Variants in MPRIP observed in about 807,000 individuals in gnomAD.
MPRIP encodes myosin phosphatase Rho interacting protein.
In MPRIP, 59 loss-of-function variants were observed where a neutral mutation model predicts 234.9. The observed-to-expected ratio is 0.25, with a 90% CI of 0.20 to 0.31. MPRIP has a LOEUF of 0.31. MPRIP is among the 10% of genes least tolerant of loss of function. MPRIP has a pLI of 1.00. For missense variants in MPRIP, 2,436 were observed against 3,071.0 expected, an observed-to-expected ratio of 0.79 and a Z score of 4.89; for synonymous variants, 1,144 against 1,263.9, an observed-to-expected ratio of 0.91 and a Z score of 2.01.
chr17:17,102,638 C>T (rs1022980163), intron 3 of MPRIP, among the ~76,000 whole-genome samples: 15 of 152,130 alleles, frequency 9.9e-5, no homozygotes, highest in South Asian at 2.1e-4. Flanking sequence ...ATGTCCCATG[C>T]GCTTGGTATA....
chr17:17,185,684 T>A lies in MPRIP; in HGVS notation c.*790T>A. On this transcript the variant is annotated 3_prime_UTR_variant, in exon 24 of 24. Coordinates refer to ENST00000651222, the MANE Select transcript of MPRIP (RefSeq NM_001364716.4). ...GACCTGCAGCCCAGGTTTCAGACTC[T>A]GATTGCAAAAAACAAATGAATTCCC... 1 of 372,126 alleles carries A rather than the reference T, an allele frequency of 2.7e-6. No homozygotes were observed. The highest frequency in any genetic ancestry group is 2.0e-5 in the South Asian group (1 of 50,912). The allele number at this position is 372,126 out of a possible 1,614,324, so 23.1% of individuals were successfully genotyped here. A position where few individuals can be genotyped will look rare whatever the true frequency, so the allele number is the denominator to read the frequency against.
rs1389655517 is a variant in MPRIP, at chr17:17,167,208, C to T, written c.5617C>T (p.Arg1873Trp). The T allele has an allele frequency of 6.9e-6, 9 of 1,303,868 alleles. No individual in the cohort carries two copies. Among genetic ancestry groups the T allele is most frequent in the East Asian group, 1.1e-4 (2 of 17,990 alleles). The allele number at this position is 1,303,868 out of a possible 1,614,324, so 80.8% of individuals were successfully genotyped here. A position where few individuals can be genotyped will look rare whatever the true frequency, so the allele number is the denominator to read the frequency against. Residue 1873 changes from arginine (R) to tryptophan (W), a missense_variant, in exon 16 of 24, where the codon CGG becomes TGG. Coordinates refer to ENST00000651222, the MANE Select transcript of MPRIP (RefSeq NM_001364716.4). The surrounding 1 kb of genome is among the most constrained non-coding windows in gnomAD (Gnocchi z 5.9). ...LQLCKESWQTREPSCSEQAQA... is the reference protein window; with the variant it reads ...LQLCKESWQTWEPSCSEQAQA... ...GCTCTGCAAGGAGTCCTGGCAAACC[C>T]GGGAGCCCTCCTGCTCAGAGCAGGC...
intron 3 of MPRIP, among the ~76,000 whole-genome samples, chr17:17,120,349 G>A (rs562839854): frequency 4.4e-4 from 67 of 152,204 alleles, no homozygotes; most frequent in African/African-American, 1.6e-3. Flanking sequence ...GAGAGTCCCC[G>A]GTTGGAGAGG....
intron 20 of MPRIP, 64 bp downstream of exon 20, chr17:17,175,476 G>A (rs952566054): frequency 4.0e-6 from 6 of 1,487,130 alleles, no homozygotes; most frequent in Non-Finnish European, 4.5e-6. Flanking sequence ...GGGGAGTGCA[G>A]CATGGCCCCT....
intron 5 of MPRIP, among the ~76,000 whole-genome samples, chr17:17,134,921 G>C (rs1312742252): frequency 6.6e-6 from 1 of 152,268 alleles, no homozygotes; most frequent in African/African-American, 2.4e-5. Flanking sequence ...TGCATATAAA[G>C]AACCTGTGTC....
intron 3 of MPRIP, among the ~76,000 whole-genome samples, chr17:17,089,015 A>C (rs1233091434): frequency 3.3e-5 from 5 of 152,224 alleles, no homozygotes; most frequent in Admixed American, 3.3e-4. Flanking sequence ...GGGCTGGTCC[A>C]GCCCACACAC....
chr17:17,161,102 A>G, intron 14 of MPRIP, 138 bp from the exon 15 acceptor site: 2 of 563,746 alleles, frequency 3.5e-6, no homozygotes, highest in Non-Finnish European at 6.3e-6. Flanking sequence ...GGTAAAGGCC[A>G]TATCAGCACA....
intron 16 of MPRIP, 173 bp from the exon 17 acceptor site, chr17:17,171,545 T>G: frequency 1.4e-6 from 1 of 718,050 alleles, no homozygotes; most frequent in East Asian, 2.5e-5. Flanking sequence ...TTGCTGAGAA[T>G]CCCCAGACAG....
At chr17:17,179,063 C>A (rs1242833124) in intron 22 of MPRIP, among the ~76,000 whole-genome samples, 2 of 152,270 alleles carry the variant, frequency 1.3e-5, no homozygotes, top group African/African-American at 4.8e-5. Context: ...CGCCTGTAAT[C>A]CCAGCACTTT....
chr17:17,061,730 C>G (rs1034747359), intron 1 of MPRIP, among the ~76,000 whole-genome samples: 1 of 152,130 alleles, frequency 6.6e-6, no homozygotes, highest in Non-Finnish European at 1.5e-5. Context: ...TGGGGTGGAG[C>G]CTGGTGTGAG....
intron 3 of MPRIP, among the ~76,000 whole-genome samples, chr17:17,100,778 A>G (rs1178307447): frequency 6.6e-6 from 1 of 152,086 alleles, no homozygotes; most frequent in Non-Finnish European, 1.5e-5. Flanking sequence ...TGAGTATGTA[A>G]TAATAATAGA....
chr17:17,102,485 G>T (rs2089982902), intron 3 of MPRIP, among the ~76,000 whole-genome samples: 1 of 152,252 alleles, frequency 6.6e-6, no homozygotes, highest in Non-Finnish European at 1.5e-5. Flanking sequence ...TGGGGCAGGT[G>T]ATCGTCAGGG....
At position 17,154,319 on chromosome 17, in the gene MPRIP, A is replaced by G. The variant is rs772575696; in HGVS notation, c.1733A>G (p.Glu578Gly). The G allele has an allele frequency of 6.2e-7, 1 of 1,614,052 alleles. No homozygotes were observed. Among genetic ancestry groups the G allele is most frequent in the Admixed American group, 1.7e-5 (1 of 60,018 alleles). ...YGFQIHTKEG[E>G]FTLSAMTSGI... ...TTTTCTCTGTAGACAAAGGAGGGCG[A>G]GTTTACCCTGTCGGCCATGACATCT... The change falls in exon 13 of 24, where the codon GAG becomes GGG. Residue 578 changes from glutamate (E) to glycine (G), a missense_variant. Glu to Gly is a moderately conservative substitution (Grantham distance 98, BLOSUM62 -2). This residue lies in a region of MPRIP where 1,998 missense variants were observed against 2,520.3 expected (regional missense o/e 0.79). Transcript: ENST00000651222.
At chr17:17,100,651 T>C (rs1275810494) in intron 3 of MPRIP, among the ~76,000 whole-genome samples, 1 of 151,864 alleles carries the variant, frequency 6.6e-6, no homozygotes, top group Non-Finnish European at 1.5e-5. Context: ...GGTTGTGTGC[T>C]CCTTATGAGA....
chr17:17,069,483 C>CT (rs200260238), intron 1 of MPRIP, among the ~76,000 whole-genome samples: 79 of 138,646 alleles, frequency 5.7e-4, no homozygotes, highest in South Asian at 2.0e-3. Context: ...TTTTGTTTTG[C>CT]TTTTTTTTTT....
At chr17:17,124,417 C>G (rs1415937345) in intron 3 of MPRIP, among the ~76,000 whole-genome samples, 1 of 152,148 alleles carries the variant, frequency 6.6e-6, no homozygotes, top group African/African-American at 2.4e-5. Context: ...TGTGTGCACA[C>G]GCATGCACAC....
chr17:17,064,554 C>G (rs1459070667), intron 1 of MPRIP, among the ~76,000 whole-genome samples: 1 of 152,162 alleles, frequency 6.6e-6, no homozygotes, highest in African/African-American at 2.4e-5. Context: ...CCTTCTCCCT[C>G]CCACATCAAC....
chr17:17,115,228 C>T (rs1013321009), intron 3 of MPRIP, among the ~76,000 whole-genome samples: 1 of 152,242 alleles, frequency 6.6e-6, no homozygotes, highest in African/African-American at 2.4e-5. Flanking sequence ...GGTAGCTCTG[C>T]GTCTGTGGTG....
chr17:17,065,897 T>G (rs1271533214), intron 1 of MPRIP, among the ~76,000 whole-genome samples: 1 of 151,206 alleles, frequency 6.6e-6, no homozygotes, highest in Non-Finnish European at 1.5e-5. Flanking sequence ...TAAGTATTTC[T>G]TTTTTTTGAA....
Sources: gnomAD v4.1 joint callset for allele counts (sites outside exome capture counted in the v4.1 genomes callset) on GRCh38, gnomAD v4.1.1 for gene constraint, gnomAD v4.1.1 regional missense constraint, Gnocchi (gnomAD v3.1) non-coding constraint, MANE v1.5 for transcripts, NCBI Gene and HGNC (gene_info 2026-07-23, HGNC 2026-07-21) for gene names.